Variants in DVL3 observed in about 807,000 individuals in gnomAD.
The protein encoded by DVL3 is segment polarity protein dishevelled homolog DVL-3.
In DVL3, 27 loss-of-function variants were observed where a neutral mutation model predicts 67.4. That is an observed-to-expected ratio of 0.40 (90% CI 0.30 to 0.55). DVL3 has a LOEUF of 0.55. Ranked by LOEUF, DVL3 falls within the 20% of genes least tolerant of loss-of-function variation. DVL3 has a pLI of 0.46. For missense variants in DVL3, 819 were observed against 1,021.5 expected (o/e 0.80, Z 2.70); for synonymous variants, 369 against 396.8 (o/e 0.93, Z 0.83).
At position 184,155,631 on chromosome 3, in the gene DVL3, G is replaced by T; in HGVS notation, c.-5G>T. On this transcript the variant is annotated 5_prime_UTR_variant, in exon 1 of 15. Transcript: ENST00000313143. This position sits in a 1 kb window ranked among gnomAD's most constrained non-coding sequence, Gnocchi z 5.4. ...GCGCGGGCCGCCGGGCCCGAGGCCA[G>T]AGCCATGGGCGAGACCAAGATCATC... is the stretch of plus-strand genomic sequence containing the variant. The T allele has an allele frequency of 6.6e-7, 1 of 1,525,618 alleles. No homozygotes were observed. The highest frequency in any genetic ancestry group is 8.8e-7 in the Non-Finnish European group (1 of 1,135,724). 94.5% of individuals were successfully genotyped at this position (1,525,618 alleles called of 1,614,324 possible).
Position 184,166,109 on chromosome 3 carries a change from T to C in DVL3, c.764-17T>C. 1 of 1,611,080 alleles carries C rather than the reference T, an allele frequency of 6.2e-7. No homozygotes were observed. The highest frequency in any genetic ancestry group is 1.7e-5 in the Admixed American group (1 of 58,852). ...GGAACCTTGCTCCCCCTTAAGGTCTTAAATTACTCTCTATAGAAAAATATA... is the reference window on the plus strand; with the variant it reads ...GGAACCTTGCTCCCCCTTAAGGTCTCAAATTACTCTCTATAGAAAAATATA... On this transcript the variant is annotated splice_polypyrimidine_tract_variant and intron_variant, in intron 7 of 14. Coordinates refer to ENST00000313143, the MANE Select transcript of DVL3 (RefSeq NM_004423.4). This position sits in a 1 kb window ranked among gnomAD's most constrained non-coding sequence, Gnocchi z 6.7.
chr3:184,164,725 G>A lies in DVL3; in HGVS notation c.464-71G>A. The A allele has an allele frequency of 1.2e-6, 2 of 1,606,668 alleles. No homozygotes were observed. Among genetic ancestry groups the A allele is most frequent in the South Asian group, 1.1e-5 (1 of 89,992 alleles). On this transcript the variant is annotated intron_variant, in intron 4 of 14. Coordinates refer to ENST00000313143, the MANE Select transcript of DVL3 (RefSeq NM_004423.4). This position sits in a 1 kb window ranked among gnomAD's most constrained non-coding sequence, Gnocchi z 5.3. ...TATGCCTGGCCCCAGTGCAGCCCCT[G>A]GCTTGCCTCTCTCCCTCCTTCACCC...
At position 184,167,434 on chromosome 3, in the gene DVL3, C is replaced by T; in HGVS notation, c.1199-146C>T. 1.3e-6 allele frequency: 1 copy of T among 749,488 alleles called. No individual in the cohort carries two copies. The highest frequency in any genetic ancestry group is 2.1e-6 in the Non-Finnish European group (1 of 470,386). The allele number at this position is 749,488 out of a possible 1,614,324, so 46.4% of individuals were successfully genotyped here. A position where few individuals can be genotyped will look rare whatever the true frequency, so the allele number is the denominator to read the frequency against. On this transcript the variant is annotated intron_variant, in intron 11 of 14. Coordinates refer to ENST00000313143, the MANE Select transcript of DVL3 (RefSeq NM_004423.4). The surrounding 1 kb of genome is among the most constrained non-coding windows in gnomAD (Gnocchi z 4.6). Reference sequence around the variant, plus strand: ...TAGATATTAAAATCCCCATTTTTTACAGAAGGGGAAACTGAGTGTCCAAGA... The same window carrying T: ...TAGATATTAAAATCCCCATTTTTTATAGAAGGGGAAACTGAGTGTCCAAGA...
intron 1 of DVL3, among the ~76,000 whole-genome samples, chr3:184,157,710 C>T (rs1466122267): frequency 6.6e-6 from 1 of 152,138 alleles, no homozygotes; most frequent in African/African-American, 2.4e-5. Context: ...AATCTGTGTG[C>T]CACCTGAAGC....
Position 184,163,582 on chromosome 3 carries a change from C to A in DVL3, c.162-75C>A. 7.9e-7 allele frequency: 1 copy of A among 1,267,864 alleles called. No homozygotes were observed. Among genetic ancestry groups the A allele is most frequent in the Non-Finnish European group, 1.2e-6 (1 of 864,206 alleles). 78.5% of individuals were successfully genotyped at this position (1,267,864 alleles called of 1,614,324 possible). A position where few individuals can be genotyped will look rare whatever the true frequency, so the allele number is the denominator to read the frequency against. On this transcript the variant is annotated intron_variant, in intron 1 of 14. Transcript: ENST00000313143. This position sits in a 1 kb window ranked among gnomAD's most constrained non-coding sequence, Gnocchi z 4.5. Reference sequence around the variant, plus strand: ...GATTCCCAGTTTAGGATGGAGGAGCCCCTGAGAGTTGGGATTTGAGGATCC... The same window carrying A: ...GATTCCCAGTTTAGGATGGAGGAGCACCTGAGAGTTGGGATTTGAGGATCC...
rs150288196 is a variant in DVL3 at position 184,164,326 on chromosome 3, G to C, written c.291G>C (p.Ser97=). The part of the protein sequence containing the change: ...DPAPFCADNP[S]ELPPPMERTG... ...CCCCCTTCTGTGCTGATAACCCATCGGAGCTGCCACCACCTATGGAGCGCA... is the reference window on the plus strand; with the variant it reads ...CCCCCTTCTGTGCTGATAACCCATCCGAGCTGCCACCACCTATGGAGCGCA... Residue 97 remains serine, a synonymous_variant, in exon 3 of 15, where the codon TCG becomes TCC. Transcript: ENST00000313143. This position sits in a 1 kb window ranked among gnomAD's most constrained non-coding sequence, Gnocchi z 5.3. 8.1e-6 allele frequency: 13 copies of C among 1,614,058 alleles called. No homozygotes were observed. The highest frequency in any genetic ancestry group is 1.1e-5 in the Non-Finnish European group (13 of 1,179,976).
rs767083404 is a variant in DVL3, at chr3:184,170,708, C to G, written c.2104C>G (p.Arg702Gly). Residue 702 changes from arginine to glycine, a missense_variant, in exon 15 of 15, where the codon CGC becomes GGC. Around this residue, in one of 3 missense-constraint regions of DVL3, gnomAD observed 324 missense variants for 331.3 expected, o/e 0.98. Coordinates refer to ENST00000313143, the MANE Select transcript of DVL3 (RefSeq NM_004423.4). This position sits in a 1 kb window ranked among gnomAD's most constrained non-coding sequence, Gnocchi z 6.5. Reference protein sequence around the residue: ...PELTASRQSFRMAMGNPSEFF... With the variant: ...PELTASRQSFGMAMGNPSEFF... The stretch of plus-strand genomic sequence containing the variant: ...ACTGACCGCCAGCAGACAGTCCTTC[C>G]GCATGGCCATGGGAAACCCCAGTGA... 2 of 1,613,854 alleles carry G rather than the reference C, an allele frequency of 1.2e-6. No individual in the cohort carries two copies. Among genetic ancestry groups the G allele is most frequent in the Non-Finnish European group, 1.7e-6 (2 of 1,179,944 alleles).
chr3:184,160,759 C>A (rs777199034), intron 1 of DVL3, among the ~76,000 whole-genome samples: 9 of 152,166 alleles, frequency 5.9e-5, no homozygotes, highest in African/African-American at 7.2e-5. Flanking sequence ...AGGGACTCAG[C>A]AGCAATTTCC....
Position 184,155,669 on chromosome 3 carries a change from G to A in DVL3, c.34G>A (p.Gly12Arg). The A allele has an allele frequency of 6.2e-7, 1 of 1,608,742 alleles. No individual in the cohort carries two copies. The highest frequency in any genetic ancestry group is 8.5e-7 in the Non-Finnish European group (1 of 1,178,308). The change falls in exon 1 of 15, where the codon GGG becomes AGG. Residue 12 changes from glycine to arginine, a missense_variant. By Grantham distance (125) the Gly-to-Arg change is moderately radical. Coordinates refer to ENST00000313143, the MANE Select transcript of DVL3 (RefSeq NM_004423.4). This position sits in a 1 kb window ranked among gnomAD's most constrained non-coding sequence, Gnocchi z 5.4. ...GETKIIYHLD[G>R]QETPYLVKLP... ...GACCAAGATCATCTACCACTTGGATGGGCAGGAGACGCCGTACCTTGTGAA... is the reference window on the plus strand; with the variant it reads ...GACCAAGATCATCTACCACTTGGATAGGCAGGAGACGCCGTACCTTGTGAA...
In DVL3 at chr3:184,155,715, G is replaced by C. The variant is rs755598607; in HGVS notation, c.80G>C (p.Arg27Pro). The C allele has an allele frequency of 1.9e-6, 3 of 1,613,160 alleles. No individual in the cohort carries two copies. The highest frequency in any genetic ancestry group is 2.5e-6 in the Non-Finnish European group (3 of 1,179,808). Residue 27 changes from arginine to proline, a missense_variant, in exon 1 of 15, where the codon CGC becomes CCC. Physicochemically the swap from Arg to Pro is moderately radical, Grantham distance 103. Around this residue, in one of 3 missense-constraint regions of DVL3, gnomAD observed 385 missense variants for 486.8 expected, o/e 0.79. Coordinates refer to ENST00000313143, the MANE Select transcript of DVL3 (RefSeq NM_004423.4). This position sits in a 1 kb window ranked among gnomAD's most constrained non-coding sequence, Gnocchi z 5.4. ...GTGAAGCTGCCCCTGCCCGCCGAGCGCGTCACCTTGGCGGACTTTAAGGGC... is the reference window on the plus strand; with the variant it reads ...GTGAAGCTGCCCCTGCCCGCCGAGCCCGTCACCTTGGCGGACTTTAAGGGC... ...YLVKLPLPAE[R>P]VTLADFKGVL...
rs963227355 is a variant in DVL3 at position 184,171,498 on chromosome 3, C to T, written c.*743C>T. On this transcript the variant is annotated 3_prime_UTR_variant, in exon 15 of 15. Coordinates refer to ENST00000313143, the MANE Select transcript of DVL3 (RefSeq NM_004423.4). ...ACCCTACTAACCAGCAGGCTCATCT[C>T]ACCTCCAGGCCTGAAACATTTCTTT... 8.9e-5 allele frequency: 88 copies of T among 985,918 alleles called. No individual in the cohort carries two copies. The highest frequency in any genetic ancestry group is 1.0e-4 in the Non-Finnish European group (84 of 830,040). The allele number at this position is 985,918 out of a possible 1,614,324, so 61.1% of individuals were successfully genotyped here. A position where few individuals can be genotyped will look rare whatever the true frequency, so the allele number is the denominator to read the frequency against.
chr3:184,172,775 G>A lies in DVL3; in HGVS notation c.*2020G>A, dbSNP rs1357437013. 1 of 152,218 alleles carries A rather than the reference G, an allele frequency of 6.6e-6. No individual in the cohort carries two copies. The highest frequency in any genetic ancestry group is 1.5e-5 in the Non-Finnish European group (1 of 68,068). The allele number at this position is 152,218 out of a possible 1,614,324, so 9.4% of individuals were successfully genotyped here. A position where few individuals can be genotyped will look rare whatever the true frequency, so the allele number is the denominator to read the frequency against. The stretch of plus-strand genomic sequence containing the variant: ...AAACAATACTTCCTGGGGTTTTGGT[G>A]TGCAGAGGGCTTTGTTGGAAGTGTG... On this transcript the variant is annotated 3_prime_UTR_variant, in exon 15 of 15. Coordinates refer to ENST00000313143, the MANE Select transcript of DVL3 (RefSeq NM_004423.4).
Position 184,167,755 on chromosome 3 carries a change from T to G in DVL3, c.1330+44T>G. 3.8e-6 allele frequency: 6 copies of G among 1,575,282 alleles called. No homozygotes were observed. Among genetic ancestry groups the G allele is most frequent in the Non-Finnish European group, 5.2e-6 (6 of 1,154,342 alleles). On this transcript the variant is annotated intron_variant, in intron 12 of 14. Transcript: ENST00000313143. This position sits in a 1 kb window ranked among gnomAD's most constrained non-coding sequence, Gnocchi z 4.6. Reference sequence around the variant, plus strand: ...GGGATGCAGGGTGGGTGGGGAGTGATGGGGCAGGGCAGGCCGGAGGGCCCA... The same window carrying G: ...GGGATGCAGGGTGGGTGGGGAGTGAGGGGGCAGGGCAGGCCGGAGGGCCCA...
Position 184,173,448 on chromosome 3 carries a change from A to C in DVL3, c.*2693A>C, listed in dbSNP as rs1714918083. The stretch of plus-strand genomic sequence containing the variant: ...TTTTGGTTGTGTGATAGAGTTATTT[A>C]ACCTCTCTGAGCCTCAGTTCCCTCG... On this transcript the variant is annotated 3_prime_UTR_variant, in exon 15 of 15. Transcript: ENST00000313143. 1 of 152,154 alleles carries C rather than the reference A, an allele frequency of 6.6e-6. No homozygotes were observed. The highest frequency in any genetic ancestry group is 2.1e-4 in the South Asian group (1 of 4,828). The allele number at this position is 152,154 out of a possible 1,614,324, so 9.4% of individuals were successfully genotyped here.
In DVL3 at chr3:184,171,008, C is replaced by T; in HGVS notation, c.*253C>T. The T allele has an allele frequency of 1.4e-6, 2 of 1,446,908 alleles. No homozygotes were observed. The highest frequency in any genetic ancestry group is 2.6e-5 in the South Asian group (2 of 78,326). 89.6% of individuals were successfully genotyped at this position (1,446,908 alleles called of 1,614,324 possible). A position where few individuals can be genotyped will look rare whatever the true frequency, so the allele number is the denominator to read the frequency against. ...AATCCCTGCGCAGGACTTCCCAGGA[C>T]CCCTTTTGTCTCTGGGACCAGACTT... is the stretch of plus-strand genomic sequence containing the variant. On this transcript the variant is annotated 3_prime_UTR_variant, in exon 15 of 15. Coordinates refer to ENST00000313143, the MANE Select transcript of DVL3 (RefSeq NM_004423.4).
In DVL3 at chr3:184,161,851, G is replaced by A. The variant is rs1168032391; in HGVS notation, c.162-1806G>A. On this transcript the variant is annotated intron_variant, in intron 1 of 14. Transcript: ENST00000313143. ...TCCAGCTCTGACATCTACCAGTCCTGTGACCTTGGACAAGTTAACTGAATA... is the reference window on the plus strand; with the variant it reads ...TCCAGCTCTGACATCTACCAGTCCTATGACCTTGGACAAGTTAACTGAATA... Among the ~76,000 whole-genome samples, 3 of 152,190 alleles carry A rather than the reference G, an allele frequency of 2.0e-5. No individual in the cohort carries two copies. In the East Asian group the frequency reaches 5.8e-4, roughly 29 times the overall value.
In DVL3 at chr3:184,171,411, G is replaced by C; in HGVS notation, c.*656G>C. ...GCCTGAGCAGCTGGTGGCTTCCAGG[G>C]AGCATCTCTGCTCTACCCCTGCCCC... On this transcript the variant is annotated 3_prime_UTR_variant, in exon 15 of 15. Transcript: ENST00000313143. The C allele has an allele frequency of 1.0e-6, 1 of 996,068 alleles. No homozygotes were observed. The highest frequency in any genetic ancestry group is 1.2e-6 in the Non-Finnish European group (1 of 837,394). 61.7% of individuals were successfully genotyped at this position (996,068 alleles called of 1,614,324 possible). A position where few individuals can be genotyped will look rare whatever the true frequency, so the allele number is the denominator to read the frequency against.
At position 184,168,893 on chromosome 3, in the gene DVL3, G is replaced by A. The variant is rs1458879787; in HGVS notation, c.1498+828G>A. 3.3e-5 allele frequency among the ~76,000 whole-genome samples: 5 copies of A among 152,236 alleles called. No individual in the cohort carries two copies. The East Asian group carries it at 7.7e-4, about 23-fold the overall frequency. On this transcript the variant is annotated intron_variant, in intron 13 of 14. Coordinates refer to ENST00000313143, the MANE Select transcript of DVL3 (RefSeq NM_004423.4). Reference sequence around the variant, plus strand: ...AGGAATGTATAATTTCCCCGGGGGCGCCAGGATCGTGAGATGAGTAATGTT... The same window carrying A: ...AGGAATGTATAATTTCCCCGGGGGCACCAGGATCGTGAGATGAGTAATGTT...
rs762517786 is a variant in DVL3, at chr3:184,170,506, C to G, written c.1902C>G (p.His634Gln). 1 of 1,604,402 alleles carries G rather than the reference C, an allele frequency of 6.2e-7. No homozygotes were observed. Among genetic ancestry groups the G allele is most frequent in the South Asian group, 1.1e-5 (1 of 90,214 alleles). ...RSGPAASEHS[H>Q]RSHHSLASSL... ...GGCCGGCGGCCAGCGAGCACAGCCA[C>G]CGCAGCCACCATTCCCTGGCCAGCA... Residue 634 changes from histidine (H) to glutamine (Q), a missense_variant, in exon 15 of 15, where the codon CAC (histidine) becomes CAG (glutamine). By Grantham distance (24) the His-to-Gln change is conservative. Coordinates refer to ENST00000313143, the MANE Select transcript of DVL3 (RefSeq NM_004423.4). This position sits in a 1 kb window ranked among gnomAD's most constrained non-coding sequence, Gnocchi z 6.5.
Sources: gnomAD v4.1 joint callset for allele counts (sites outside exome capture counted in the v4.1 genomes callset) on GRCh38, gnomAD v4.1.1 for gene constraint, gnomAD v4.1.1 regional missense constraint, Gnocchi (gnomAD v3.1) non-coding constraint, MANE v1.5 for transcripts, NCBI Gene and HGNC (gene_info 2026-07-23, HGNC 2026-07-21) for gene names.